TTLL5: variants seen among roughly 807,000 people sequenced by gnomAD.
TTLL5 encodes tubulin polyglutamylase TTLL5.
A neutral mutation model predicts 168.4 loss-of-function variants in TTLL5; 132 were observed. That is an observed-to-expected ratio of 0.78 (90% CI 0.68 to 0.91). The LOEUF is 0.91. TTLL5 is among the 40% of genes least tolerant of loss of function. The pLI, the probability that TTLL5 is intolerant of heterozygous loss-of-function variation, is 0.00. For synonymous variants in TTLL5, 546 were observed against 558.6 expected, an observed-to-expected ratio of 0.98 and a Z score of 0.32; for missense variants, 1,545 against 1,581.5, an observed-to-expected ratio of 0.98 and a Z score of 0.39.
At chr14:75,717,390 G>C (rs1438167770) in intron 9 of TTLL5, among the ~76,000 whole-genome samples, 18 of 152,156 alleles carry the variant, frequency 1.2e-4, no homozygotes, top group Admixed American at 1.2e-3. Flanking sequence ...GTTGAGATTA[G>C]AGGCATGAGC....
chr14:75,664,409 C>T (rs1196651021), intron 2 of TTLL5, among the ~76,000 whole-genome samples: 5 of 152,098 alleles, frequency 3.3e-5, no homozygotes, highest in Non-Finnish European at 7.4e-5. Context: ...TATGTGTGTG[C>T]TATGTAACCT....
intron 26 of TTLL5, among the ~76,000 whole-genome samples, chr14:75,789,259 AAG>A (rs1447767280): frequency 3.9e-5 from 6 of 152,158 alleles, no homozygotes; most frequent in Non-Finnish European, 8.8e-5. Flanking sequence ...AGATAAGAAA[AAG>A]AAATTATAAG....
At chr14:75,760,165 C>T (rs1890542948) in intron 18 of TTLL5, among the ~76,000 whole-genome samples, 1 of 151,954 alleles carries the variant, frequency 6.6e-6, no homozygotes, top group African/African-American at 2.4e-5. Context: ...ACAAGATCGA[C>T]ATACTAAAAT....
intron 15 of TTLL5, among the ~76,000 whole-genome samples, chr14:75,736,732 A>G (rs549909951): frequency 1.3e-5 from 2 of 152,318 alleles, no homozygotes; most frequent in Admixed American, 6.5e-5. Flanking sequence ...ATGCCTATCT[A>G]TGACCCCGTG....
intron 6 of TTLL5, among the ~76,000 whole-genome samples, chr14:75,695,367 C>T (rs986338347): frequency 4.6e-5 from 7 of 152,192 alleles, no homozygotes; most frequent in African/African-American, 9.6e-5. Flanking sequence ...AATGACAATG[C>T]GTGCCCAGTG....
intron 18 of TTLL5, among the ~76,000 whole-genome samples, chr14:75,756,934 A>G (rs1890299611): frequency 6.6e-6 from 1 of 151,682 alleles, no homozygotes; most frequent in Non-Finnish European, 1.5e-5. Context: ...TTTAGAGACA[A>G]TGGAGAGTAT....
intron 31 of TTLL5, among the ~76,000 whole-genome samples, chr14:75,951,465 T>TA (rs778587506): frequency 6.2e-4 from 95 of 152,116 alleles, no homozygotes; most frequent in African/African-American, 1.7e-3. Flanking sequence ...ACAATCTCTT[T>TA]AAAAAAATAC....
At chr14:75,824,781 A>G (rs1386002561) in intron 28 of TTLL5, among the ~76,000 whole-genome samples, 1 of 151,172 alleles carries the variant, frequency 6.6e-6, no homozygotes, top group East Asian at 1.9e-4. Flanking sequence ...AGAGAGCTCC[A>G]TAGTTCCACA....
rs947009340 is a variant in TTLL5, at chr14:75,732,099, A to G, written c.1043-239A>G. 2.4e-5 allele frequency: 10 copies of G among 417,304 alleles called. No homozygotes were observed. In the East Asian group the frequency reaches 3.2e-4, roughly 13 times the overall value. The allele number at this position is 417,304 out of a possible 1,614,324, so 25.9% of individuals were successfully genotyped here. ...TTCTATGTAGGATTTAGGAACATCA[A>G]TAGACACTGCATGATAAAAACAGTG... On this transcript the variant is annotated intron_variant, in intron 12 of 31. Coordinates refer to ENST00000298832, the MANE Select transcript of TTLL5 (RefSeq NM_015072.5).
chr14:75,864,150 A>G (rs930482305), intron 29 of TTLL5, among the ~76,000 whole-genome samples: 1 of 152,008 alleles, frequency 6.6e-6, no homozygotes, highest in Non-Finnish European at 1.5e-5. Context: ...TTTCTGTTGT[A>G]TGATCTTAGT....
At chr14:75,815,214 T>TA (rs1440841490) in intron 27 of TTLL5, among the ~76,000 whole-genome samples, 7 of 152,240 alleles carry the variant, frequency 4.6e-5, no homozygotes, top group Non-Finnish European at 8.8e-5. Context: ...ATAGAATATT[T>TA]AATCTAGAGG....
In TTLL5 at chr14:75,792,921, T is replaced by C. The variant is rs1892807663; in HGVS notation, c.2992T>C (p.Cys998Arg). The change falls in exon 27 of 32, where the codon TGC (cysteine) becomes CGC (arginine). Residue 998 changes from cysteine (C) to arginine (R), a missense_variant. Physicochemically the swap from Cys to Arg is radical, Grantham distance 180. Coordinates refer to ENST00000298832, the MANE Select transcript of TTLL5 (RefSeq NM_015072.5). The stretch of plus-strand genomic sequence containing the variant: ...ACTTTTCTCCGTTTTAGCAGGATCG[T>C]GCTATCTAAACAAGCATCATTCAGG... ...SRPSSAKAGS[C>R]YLNKHHSGIA... 7.5e-6 allele frequency: 12 copies of C among 1,600,210 alleles called. No individual in the cohort carries two copies. The highest frequency in any genetic ancestry group is 1.0e-5 in the Non-Finnish European group (12 of 1,171,262).
intron 12 of TTLL5, chr14:75,732,112 G>T: frequency 2.3e-6 from 1 of 429,248 alleles, no homozygotes; most frequent in Non-Finnish European, 4.2e-6. Flanking sequence ...GACACTGCAT[G>T]ATAAAAACAG....
At chr14:75,818,492 C>CT (rs745540720) in intron 27 of TTLL5, 35,236 of 326,260 alleles carry the variant, frequency 0.11, 159 homozygotes, top group South Asian at 0.17. Flanking sequence ...CTTTTCTTTT[C>CT]TTTTTTTTTT....
chr14:75,814,561 G>A (rs1452799856), intron 27 of TTLL5: 3 of 152,160 alleles, frequency 2.0e-5, no homozygotes, highest in South Asian at 4.1e-4. Context: ...CTGCCCTTAG[G>A]TCTTCTCTAG....
chr14:75,884,379 G>T (rs1402092704), intron 30 of TTLL5, among the ~76,000 whole-genome samples: 1 of 152,206 alleles, frequency 6.6e-6, no homozygotes, highest in African/African-American at 2.4e-5. Context: ...AGGCGGCAGG[G>T]CTGGACATTT....
Position 75,752,936 on chromosome 14 carries a change from A to G in TTLL5, c.1531A>G (p.Thr511Ala). 6.2e-7 allele frequency: 1 copy of G among 1,613,462 alleles called. No individual in the cohort carries two copies. Among genetic ancestry groups the G allele is most frequent in the South Asian group, 1.1e-5 (1 of 90,994 alleles). ...GACCTCAATGAACTATATGCTGGCA[A>G]CACGCCTCTTCCAGGACAGGTAGAG... ...HKTSMNYMLA[T>A]RLFQDRMTAD... is the part of the protein sequence containing the mutation. Residue 511 changes from threonine (T) to alanine (A), a missense_variant, in exon 18 of 32, where the codon ACA becomes GCA. Coordinates refer to ENST00000298832, the MANE Select transcript of TTLL5 (RefSeq NM_015072.5).
At chr14:75,847,011 C>CT (rs911056033) in intron 28 of TTLL5, among the ~76,000 whole-genome samples, 4 of 151,550 alleles carry the variant, frequency 2.6e-5, no homozygotes, top group Non-Finnish European at 5.9e-5. Flanking sequence ...TTCTATATTT[C>CT]TTTTTTTTGA....
rs778265688 is a variant in TTLL5, at chr14:75,811,181, G to GTGTGTGTGTGTA, written c.3172-8819_3172-8818insGTGTATGTGTGT. On this transcript the variant is annotated intron_variant, in intron 27 of 31. Coordinates refer to ENST00000298832, the MANE Select transcript of TTLL5 (RefSeq NM_015072.5). ...AGTGTGTGTGTGTGTGTGTGTGTGT[G>GTGTGTGTGTGTA]TGTGTGTATGTGTGTGTGTGTGTTT... is the stretch of plus-strand genomic sequence containing the variant. Among the ~76,000 whole-genome samples the GTGTGTGTGTGTA allele has an allele frequency of 4.7e-3, 568 of 121,242 alleles. 1 individual carries two copies. The highest frequency in any genetic ancestry group is 0.014 in the South Asian group (57 of 4,070). 79.5% of individuals were successfully genotyped at this position (121,242 alleles called of 152,430 possible).
Sources: gnomAD v4.1 joint callset for allele counts (sites outside exome capture counted in the v4.1 genomes callset) on GRCh38, gnomAD v4.1.1 for gene constraint, MANE v1.5 for transcripts, NCBI Gene and HGNC (gene_info 2026-07-23, HGNC 2026-07-21) for gene names.